NCOA1: variants seen among roughly 807,000 people sequenced by gnomAD.
NCOA1 encodes the protein nuclear receptor coactivator 1, also known as Hin-2 protein.
A neutral mutation model predicts 150.9 loss-of-function variants in NCOA1; 35 were observed. The ratio of observed to expected loss-of-function variants is 0.23; its 90% CI spans 0.18 to 0.31. The LOEUF is 0.31. NCOA1 is among the 10% of genes least tolerant of loss of function. The pLI, the probability that NCOA1 is intolerant of heterozygous loss-of-function variation, is 1.00. For missense variants in NCOA1, 1,491 were observed against 1,749.3 expected, an observed-to-expected ratio of 0.85 and a Z score of 2.63; for synonymous variants, 590 against 630.0, an observed-to-expected ratio of 0.94 and a Z score of 0.95.
chr2:24,662,149 T>C (rs1671212281), intron 5 of NCOA1, among the ~76,000 whole-genome samples: 2 of 152,208 alleles, frequency 1.3e-5, no homozygotes, highest in Non-Finnish European at 2.9e-5. Flanking sequence ...CCAAACAGAA[T>C]TGAATTCTTT....
At chr2:24,664,078 T>G (rs992184614) in intron 5 of NCOA1, among the ~76,000 whole-genome samples, 1 of 152,218 alleles carries the variant, frequency 6.6e-6, no homozygotes, top group Non-Finnish European at 1.5e-5. Flanking sequence ...CTTCAAACAC[T>G]GTGAGGTTGC....
At chr2:24,512,024 G>A (rs557277365) in intron 1 of NCOA1, among the ~76,000 whole-genome samples, 1 of 151,922 alleles carries the variant, frequency 6.6e-6, no homozygotes, top group Non-Finnish European at 1.5e-5. Context: ...CACTTCATTT[G>A]TTTCACCCTC....
At chr2:24,532,303 G>GT (rs2148167713) in intron 1 of NCOA1, among the ~76,000 whole-genome samples, 1 of 152,146 alleles carries the variant, frequency 6.6e-6, no homozygotes, top group African/African-American at 2.4e-5. Context: ...TGATGGAGTT[G>GT]TTTTTTTCTT....
At chr2:24,668,943 T>A (rs557288869) in intron 6 of NCOA1, among the ~76,000 whole-genome samples, 1 of 152,174 alleles carries the variant, frequency 6.6e-6, no homozygotes, top group Non-Finnish European at 1.5e-5. Context: ...ATGTAAGTTA[T>A]AACACACACA....
intron 19 of NCOA1, among the ~76,000 whole-genome samples, chr2:24,746,018 C>A (rs1221596547): frequency 6.6e-6 from 1 of 152,250 alleles, no homozygotes; most frequent in Non-Finnish European, 1.5e-5. Flanking sequence ...TGTCTTAAAA[C>A]CACTTGTTAA....
intron 2 of NCOA1, among the ~76,000 whole-genome samples, chr2:24,565,229 G>A (rs544351302): frequency 3.3e-5 from 5 of 152,184 alleles, no homozygotes; most frequent in African/African-American, 1.2e-4. Flanking sequence ...AACAAAAATA[G>A]TTCTGTTTTC....
intron 20 of NCOA1, among the ~76,000 whole-genome samples, chr2:24,755,258 A>G (rs530414886): frequency 1.3e-5 from 2 of 152,252 alleles, no homozygotes; most frequent in African/African-American, 2.4e-5. Flanking sequence ...CTTTTTCATT[A>G]TCTCTCTGGT....
intron 20 of NCOA1, among the ~76,000 whole-genome samples, chr2:24,753,210 A>G (rs1042461733): frequency 2.0e-5 from 3 of 152,034 alleles, no homozygotes; most frequent in African/African-American, 7.2e-5. Context: ...CTCACTCTGG[A>G]TTTTGTGGCC....
chr2:24,607,192 T>TTG (rs1040942085), intron 3 of NCOA1, among the ~76,000 whole-genome samples: 3 of 151,562 alleles, frequency 2.0e-5, no homozygotes, highest in African/African-American at 7.3e-5. Context: ...GTACTGTGTT[T>TTG]TTTTTTTTTT....
Position 24,695,013 on chromosome 2 carries a change from C to CA in NCOA1, c.808+1667dup, listed in dbSNP as rs1672834435. 3.3e-5 allele frequency among the ~76,000 whole-genome samples: 5 copies of CA among 151,894 alleles called. No individual in the cohort carries two copies. The South Asian group carries it at 8.3e-4, about 25-fold the overall frequency. ...TATTGTCAGGTCACAGAAAAAATGTCAGAGATGGGGGAGGCCTAAAAGTTA... is the reference window on the plus strand; with the variant it reads ...TATTGTCAGGTCACAGAAAAAATGTCAAGAGATGGGGGAGGCCTAAAAGTTA... On this transcript the variant is annotated intron_variant, in intron 10 of 22. Coordinates refer to ENST00000348332, the MANE Select transcript of NCOA1 (RefSeq NM_003743.5).
intron 1 of NCOA1, among the ~76,000 whole-genome samples, chr2:24,516,809 A>ATT (rs1664189820): frequency 1.0e-5 from 1 of 97,726 alleles, no homozygotes; most frequent in African/African-American, 3.7e-5. Context: ...GTACTTTCCT[A>ATT]TTTCTATCCA....
intron 1 of NCOA1, among the ~76,000 whole-genome samples, chr2:24,500,480 T>C (rs1663415354): frequency 6.6e-6 from 1 of 152,202 alleles, no homozygotes. Flanking sequence ...TTTCTTCTCT[T>C]TCAGTCTGTT....
In NCOA1 at chr2:24,770,599, C is replaced by T. The variant is rs369673694; in HGVS notation, c.*2208C>T. ...ATTTGTTTAACAACCTCATGGGTTG[C>T]CTCTTCATTTACAGGGAAGAAATGA... On this transcript the variant is annotated 3_prime_UTR_variant, in exon 23 of 23. Coordinates refer to ENST00000348332, the MANE Select transcript of NCOA1 (RefSeq NM_003743.5). 12 of 209,448 alleles carry T rather than the reference C, an allele frequency of 5.7e-5. No homozygotes were observed. The South Asian group carries it at 7.5e-4, about 13-fold the overall frequency. The allele number at this position is 209,448 out of a possible 1,614,324, so 13.0% of individuals were successfully genotyped here. A position where few individuals can be genotyped will look rare whatever the true frequency, so the allele number is the denominator to read the frequency against.
At chr2:24,552,363 T>A (rs1465361478) in intron 1 of NCOA1, among the ~76,000 whole-genome samples, 63 of 82,230 alleles carry the variant, frequency 7.7e-4, no homozygotes, top group African/African-American at 1.4e-3. Flanking sequence ...ATTTTTTTTT[T>A]TTTTTTTTTT....
At chr2:24,614,011 C>T (rs973818175) in intron 3 of NCOA1, among the ~76,000 whole-genome samples, 23 of 151,868 alleles carry the variant, frequency 1.5e-4, no homozygotes, top group African/African-American at 2.9e-4. Flanking sequence ...TGAATTTACC[C>T]TTTTCCTGGT....
intron 1 of NCOA1, among the ~76,000 whole-genome samples, chr2:24,514,634 A>G (rs1358812612): frequency 6.6e-6 from 1 of 151,968 alleles, no homozygotes; most frequent in Non-Finnish European, 1.5e-5. Context: ...GAAACTCCAT[A>G]TCTACAAAAA....
chr2:24,529,440 G>A (rs1464282956), intron 1 of NCOA1, among the ~76,000 whole-genome samples: 3 of 152,138 alleles, frequency 2.0e-5, no homozygotes, highest in Non-Finnish European at 1.5e-5. Context: ...TGATCCTCCC[G>A]CCCTGGCCTC....
intron 3 of NCOA1, among the ~76,000 whole-genome samples, chr2:24,639,914 GTGTATATATATA>G (rs1670112206): frequency 5.1e-5 from 1 of 19,570 alleles, no homozygotes; most frequent in South Asian, 2.7e-3. Flanking sequence ...GTATGTGTGT[GTGTATATATATA>G]TATATATATA....
chr2:24,607,057 A>C (rs531855251), intron 3 of NCOA1, among the ~76,000 whole-genome samples: 3 of 152,278 alleles, frequency 2.0e-5, no homozygotes, highest in African/African-American at 4.8e-5. Context: ...AGGATAACAC[A>C]TCATTGAAAG....
Sources: gnomAD v4.1 joint callset for allele counts (sites outside exome capture counted in the v4.1 genomes callset) on GRCh38, gnomAD v4.1.1 for gene constraint, MANE v1.5 for transcripts, NCBI Gene and HGNC (gene_info 2026-07-23, HGNC 2026-07-21) for gene names.